The following SYNJ2 variants were observed in gnomAD, a reference collection of about 807,000 sequenced individuals.
SYNJ2 encodes synaptojanin 2.
In SYNJ2, 116 loss-of-function variants were observed where a neutral mutation model predicts 141.3. The ratio of observed to expected loss-of-function variants is 0.82; its 90% confidence interval spans 0.71 to 0.96. SYNJ2 has a LOEUF of 0.96. Ranked by LOEUF, SYNJ2 falls within the 40% of genes least tolerant of loss-of-function variation. The pLI is 0.00. For synonymous variants in SYNJ2, 745 were observed against 777.7 expected, an observed-to-expected ratio of 0.96 and a Z score of 0.70; for missense variants, 1,873 against 1,934.8, an observed-to-expected ratio of 0.97 and a Z score of 0.60.
intron 16 of SYNJ2, 61 bp from the exon 17 acceptor site, chr6:158,076,565 T>C: frequency 3.2e-6 from 5 of 1,539,976 alleles, no homozygotes; most frequent in Non-Finnish European, 4.4e-6. Flanking sequence ...TTTTCGTTTT[T>C]GTATATAACA....
At position 158,071,923 on chromosome 6, in the gene SYNJ2, G is replaced by A; in HGVS notation, c.2133+129G>A. The stretch of plus-strand genomic sequence containing the variant: ...CCCTTCCTGGAGGGCTCAGCGCTGG[G>A]GGAGGGGGAGAGGGCTATGTCCCTC... On this transcript the variant is annotated intron_variant, in intron 15 of 26. Coordinates refer to ENST00000355585, the MANE Select transcript of SYNJ2 (RefSeq NM_003898.4). This position sits in a 1 kb window ranked among gnomAD's most constrained non-coding sequence, Gnocchi z 4.3. 1.8e-6 allele frequency: 2 copies of A among 1,118,758 alleles called. No homozygotes were observed. The highest frequency in any genetic ancestry group is 2.5e-6 in the Non-Finnish European group (2 of 805,532). 69.3% of individuals were successfully genotyped at this position (1,118,758 alleles called of 1,614,324 possible).
intron 3 of SYNJ2, among the ~76,000 whole-genome samples, chr6:158,032,573 A>G (rs574403309): frequency 6.6e-6 from 1 of 152,346 alleles, no homozygotes; most frequent in Non-Finnish European, 1.5e-5. Flanking sequence ...GTAGGGCCTC[A>G]TGAAGAAAGG....
At chr6:158,056,908 C>T (rs905916630) in intron 6 of SYNJ2, among the ~76,000 whole-genome samples, 3 of 152,006 alleles carry the variant, frequency 2.0e-5, no homozygotes, top group African/African-American at 7.3e-5. Context: ...TGCTCCATAT[C>T]TGAGGAGGGC....
At chr6:158,049,219 T>C (rs982624060) in intron 5 of SYNJ2, among the ~76,000 whole-genome samples, 5 of 152,096 alleles carry the variant, frequency 3.3e-5, no homozygotes, top group Non-Finnish European at 5.9e-5. Context: ...TAAGAGTAGC[T>C]GGCCCTTTGC....
intron 22 of SYNJ2, among the ~76,000 whole-genome samples, chr6:158,085,043 A>G (rs1190834229): frequency 6.7e-6 from 1 of 148,374 alleles, no homozygotes; most frequent in East Asian, 2.0e-4. Flanking sequence ...TTTTTTTGAG[A>G]CAGGGTCTCA....
At chr6:158,078,084 A>G (rs1782431416) in intron 17 of SYNJ2, 80 bp from the exon 18 acceptor site, 4 of 919,538 alleles carry the variant, frequency 4.4e-6, no homozygotes, top group Non-Finnish European at 7.1e-6. Context: ...GCAGACCTCT[A>G]TTGTGGAAGT....
At chr6:158,056,652 C>T (rs923821535) in intron 6 of SYNJ2, among the ~76,000 whole-genome samples, 102 of 152,292 alleles carry the variant, frequency 6.7e-4, no homozygotes, top group African/African-American at 2.3e-3. Context: ...CCCAGGTCCT[C>T]GATGGTGTCC....
rs553545453 is a variant in SYNJ2, at chr6:158,096,996, A to G, written c.*632A>G. Reference sequence around the variant, plus strand: ...CGTGAATCCCGAGGGAGCCGGTGGCATACACCGTTAGCTTAACCTTAGCTT... The same window carrying G: ...CGTGAATCCCGAGGGAGCCGGTGGCGTACACCGTTAGCTTAACCTTAGCTT... On this transcript the variant is annotated 3_prime_UTR_variant, in exon 27 of 27. Coordinates refer to ENST00000355585, the MANE Select transcript of SYNJ2 (RefSeq NM_003898.4). 6.5e-6 allele frequency: 1 copy of G among 152,954 alleles called. No homozygotes were observed. Among genetic ancestry groups the G allele is most frequent in the South Asian group, 2.1e-4 (1 of 4,824 alleles). The allele number at this position is 152,954 out of a possible 1,614,324, so 9.5% of individuals were successfully genotyped here.
chr6:158,067,489 G>T lies in SYNJ2; in HGVS notation c.1717+854G>T, dbSNP rs1022249569. 1.8e-5 allele frequency: 18 copies of T among 985,276 alleles called. No homozygotes were observed. In the South Asian group the frequency reaches 7.0e-4, roughly 39 times the overall value. 61.0% of individuals were successfully genotyped at this position (985,276 alleles called of 1,614,324 possible). ...ATCTTGTAAGATACACTATTGAATG[G>T]CCCCAGAACTTAGGATCTGAAGAAT... On this transcript the variant is annotated intron_variant, in intron 12 of 26. Transcript: ENST00000355585.
At chr6:158,045,733 G>A (rs538452285) in intron 5 of SYNJ2, among the ~76,000 whole-genome samples, 112 of 151,672 alleles carry the variant, frequency 7.4e-4, no homozygotes, top group Non-Finnish European at 1.4e-3. Context: ...CCTTTTTGTC[G>A]TTCCCCTCTT....
intron 7 of SYNJ2, 22 bp from the exon 8 acceptor site, chr6:158,061,970 C>T (rs745676920): frequency 6.7e-5 from 108 of 1,610,306 alleles, no homozygotes; most frequent in South Asian, 5.5e-4. Context: ...CTCCCCTCAC[C>T]GCCCTCCCCT....
At chr6:158,024,939 A>G (rs1778961614) in intron 2 of SYNJ2, among the ~76,000 whole-genome samples, 1 of 152,208 alleles carries the variant, frequency 6.6e-6, no homozygotes, top group African/African-American at 2.4e-5. Context: ...ACTGCACAAT[A>G]TATTATTTAC....
chr6:158,026,771 C>T, intron 2 of SYNJ2: 1 of 961,268 alleles, frequency 1.0e-6, no homozygotes, highest in Non-Finnish European at 1.2e-6. Context: ...AGGGGCCATC[C>T]TCCTGCCTCT....
intron 1 of SYNJ2, among the ~76,000 whole-genome samples, chr6:158,003,297 T>C (rs1441084305): frequency 1.3e-5 from 2 of 152,212 alleles, no homozygotes; most frequent in African/African-American, 4.8e-5. Flanking sequence ...GCCAGTTGGC[T>C]TTGTCTTGGC....
chr6:157,996,844 C>T (rs902681040), intron 1 of SYNJ2, among the ~76,000 whole-genome samples: 7 of 152,214 alleles, frequency 4.6e-5, no homozygotes, highest in East Asian at 1.9e-4. Context: ...AAAAGCTCCC[C>T]GAGGCCTCCC....
chr6:158,099,137 TG>T lies in SYNJ2; in HGVS notation c.*2774del. The T allele has an allele frequency of 6.6e-6, 1 of 152,240 alleles. No individual in the cohort carries two copies. Among genetic ancestry groups the T allele is most frequent in the Non-Finnish European group, 1.5e-5 (1 of 68,042 alleles). 9.4% of individuals were successfully genotyped at this position (152,240 alleles called of 1,614,324 possible). ...TTGAAGTGAAAATTTGTACTGAAAT[TG>T]TACATGATACCTATTAAATGTTTTT... On this transcript the variant is annotated 3_prime_UTR_variant, in exon 27 of 27. Transcript: ENST00000355585.
intron 26 of SYNJ2, among the ~76,000 whole-genome samples, chr6:158,094,397 A>C (rs1783671310): frequency 4.5e-5 from 2 of 44,640 alleles, no homozygotes; most frequent in South Asian, 1.4e-3. Context: ...GGCTGGGCAA[A>C]AAAAAAAAAA....
chr6:158,098,591 T>G lies in SYNJ2; in HGVS notation c.*2227T>G, dbSNP rs1471167763. On this transcript the variant is annotated 3_prime_UTR_variant, in exon 27 of 27. Transcript: ENST00000355585. The stretch of plus-strand genomic sequence containing the variant: ...CCTTATTTATTTTTAAAATCAATGC[T>G]TACTAGTTGGTAGGATTCCCAGGTC... The G allele has an allele frequency of 6.6e-6, 1 of 152,106 alleles. No individual in the cohort carries two copies. The highest frequency in any genetic ancestry group is 1.5e-5 in the Non-Finnish European group (1 of 68,022). 9.4% of individuals were successfully genotyped at this position (152,106 alleles called of 1,614,324 possible).
intron 1 of SYNJ2, among the ~76,000 whole-genome samples, chr6:158,005,359 G>A (rs1289196745): frequency 6.6e-6 from 1 of 152,122 alleles, no homozygotes; most frequent in Non-Finnish European, 1.5e-5. Flanking sequence ...TTAGAGGCGT[G>A]AGCCACCACG....
Sources: gnomAD v4.1 joint callset for allele counts (sites outside exome capture counted in the v4.1 genomes callset) on GRCh38, gnomAD v4.1.1 for gene constraint, Gnocchi (gnomAD v3.1) non-coding constraint, MANE v1.5 for transcripts, NCBI Gene and HGNC (gene_info 2026-07-23, HGNC 2026-07-21) for gene names.